ME2: variants seen among roughly 807,000 people sequenced by gnomAD.
ME2 encodes malic enzyme 2.
ME2 carries 60 observed loss-of-function variants against 73.7 expected under a neutral mutation model. The observed-to-expected ratio is 0.81, with a 90% CI of 0.66 to 1.01. ME2 has a LOEUF of 1.01. Among genes scored for constraint, ME2 ranks in the 50% least tolerant of loss-of-function variants. The pLI is 0.00. For missense variants in ME2, 594 were observed against 705.5 expected, an observed-to-expected ratio of 0.84 and a Z score of 1.79; for synonymous variants, 199 against 236.9, an observed-to-expected ratio of 0.84 and a Z score of 1.47.
rs1918196642 is a variant in ME2 at position 50,950,464 on chromosome 18, C to CTGCTTTTTTT, written c.*3282_*3291dup. 2.5e-5 allele frequency: 1 copy of CTGCTTTTTTT among 40,580 alleles called. No homozygotes were observed. Among genetic ancestry groups the CTGCTTTTTTT allele is most frequent in the Non-Finnish European group, 4.7e-5 (1 of 21,142 alleles). 2.5% of individuals were successfully genotyped at this position (40,580 alleles called of 1,614,324 possible). A position where few individuals can be genotyped will look rare whatever the true frequency, so the allele number is the denominator to read the frequency against. On this transcript the variant is annotated 3_prime_UTR_variant, in exon 16 of 16. Coordinates refer to ENST00000321341, the MANE Select transcript of ME2 (RefSeq NM_002396.5). ...AGGGCCTGGGGTGGGGCCTCAGATT[C>CTGCTTTTTTT]TGCTTTTTTTTTTTTTTTTTTTTTT...
chr18:50,884,442 A>T (rs544214845), intron 1 of ME2, among the ~76,000 whole-genome samples: 2 of 152,152 alleles, frequency 1.3e-5, no homozygotes, highest in East Asian at 3.9e-4. Flanking sequence ...CTGCCTCCTG[A>T]GTTCAAGCAA....
intron 2 of ME2, 151 bp from the exon 3 acceptor site, chr18:50,907,912 A>G (rs1332207899): frequency 3.7e-6 from 2 of 538,610 alleles, no homozygotes; most frequent in South Asian, 3.2e-5. Flanking sequence ...CCTGACCAAT[A>G]CTGACATCAG....
intron 1 of ME2, among the ~76,000 whole-genome samples, chr18:50,889,199 C>A (rs943922746): frequency 1.3e-5 from 2 of 152,076 alleles, no homozygotes; most frequent in African/African-American, 4.8e-5. Context: ...TTGATCACAC[C>A]TGAGTGTATG....
In ME2 at chr18:50,895,893, G is replaced by A. The variant is rs1347461975; in HGVS notation, c.73G>A (p.Gly25Ser). ...ACRHLHIKEK[G>S]KPLMLNPRTN... ...TCGACATTTGCACATAAAAGAAAAA[G>A]GCAAGCCACTTATGCTGAACCCAAG... The change falls in exon 2 of 16, where the codon GGC becomes AGC. Residue 25 changes from glycine (G) to serine (S), a missense_variant. By Grantham distance (56) the Gly-to-Ser change is moderately conservative. Coordinates refer to ENST00000321341, the MANE Select transcript of ME2 (RefSeq NM_002396.5). 1.2e-6 allele frequency: 2 copies of A among 1,613,690 alleles called. No individual in the cohort carries two copies. Among genetic ancestry groups the A allele is most frequent in the African/African-American group, 1.3e-5 (1 of 75,008 alleles).
chr18:50,928,425 A>T (rs1403410169), intron 12 of ME2, among the ~76,000 whole-genome samples: 1 of 150,950 alleles, frequency 6.6e-6, no homozygotes, highest in African/African-American at 2.4e-5. Flanking sequence ...TTTTTAGTAG[A>T]TATGGGGTTT....
At chr18:50,918,402 A>C (rs550906778) in intron 7 of ME2, among the ~76,000 whole-genome samples, 189 bp downstream of exon 7, 66 of 147,792 alleles carry the variant, frequency 4.5e-4, no homozygotes, top group Non-Finnish European at 8.4e-4. Flanking sequence ...GGTGGTACCC[A>C]TGGTCTGCCT....
chr18:50,897,867 A>G (rs1174815159), intron 2 of ME2, among the ~76,000 whole-genome samples: 1 of 108,592 alleles, frequency 9.2e-6, no homozygotes, highest in East Asian at 2.4e-4. Context: ...CTCAAAAAAA[A>G]AAAGAAAAAG....
chr18:50,907,909 A>G (rs677978), intron 2 of ME2, among the ~76,000 whole-genome samples, 154 bp from the exon 3 acceptor site: 73,430 of 152,100 alleles, frequency 0.48, 18,566 homozygotes, highest in South Asian at 0.67. Context: ...CACCCTGACC[A>G]ATACTGACAT....
intron 1 of ME2, among the ~76,000 whole-genome samples, chr18:50,891,923 C>T (rs941957416): frequency 2.0e-5 from 3 of 151,714 alleles, no homozygotes; most frequent in African/African-American, 7.3e-5. Flanking sequence ...TCCAGTCTTC[C>T]CAACTTAGCT....
chr18:50,905,080 G>A (rs1323420744), intron 2 of ME2, among the ~76,000 whole-genome samples: 5 of 151,938 alleles, frequency 3.3e-5, no homozygotes, highest in African/African-American at 7.3e-5. Flanking sequence ...TCCGCCTCCC[G>A]GGTTCAAGCA....
intron 2 of ME2, among the ~76,000 whole-genome samples, chr18:50,898,405 C>G (rs1199616685): frequency 6.6e-6 from 1 of 152,142 alleles, no homozygotes; most frequent in South Asian, 2.1e-4. Flanking sequence ...TTTTTATTAT[C>G]CCAAGTAGAA....
At chr18:50,906,890 A>C (rs181532053) in intron 2 of ME2, among the ~76,000 whole-genome samples, 1 of 152,116 alleles carries the variant, frequency 6.6e-6, no homozygotes, top group Non-Finnish European at 1.5e-5. Flanking sequence ...TCTTTCCTGG[A>C]TGTGTCCACA....
At chr18:50,925,650 A>G (rs1020449667) in intron 11 of ME2, 106 bp from the exon 12 acceptor site, 1 of 875,998 alleles carries the variant, frequency 1.1e-6, no homozygotes, top group Non-Finnish European at 1.8e-6. Flanking sequence ...GTAATGAGAT[A>G]TTACCTGTGT....
intron 12 of ME2, 95 bp from the exon 13 acceptor site, chr18:50,932,163 C>G (rs1360371979): frequency 5.3e-6 from 5 of 943,484 alleles, no homozygotes; most frequent in African/African-American, 3.4e-5. Flanking sequence ...ATATATTGGT[C>G]TATTTTACTT....
At chr18:50,915,859 C>A in intron 4 of ME2, 1 of 217,452 alleles carries the variant, frequency 4.6e-6, no homozygotes, top group Non-Finnish European at 8.9e-6. Context: ...TGGTGGCTTG[C>A]TTTAGATTTT....
chr18:50,942,635 T>A lies in ME2; in HGVS notation c.1587+2249T>A, dbSNP rs117406159. 1,337 of 272,588 alleles carry A rather than the reference T, an allele frequency of 4.9e-3. 60 individuals carry two copies. In the East Asian group the frequency reaches 0.071, roughly 14 times the overall value. The allele number at this position is 272,588 out of a possible 1,614,324, so 16.9% of individuals were successfully genotyped here. On this transcript the variant is annotated intron_variant, in intron 15 of 15. Transcript: ENST00000321341. ...GTTTTCTTCATCTGAATATGGCATT[T>A]TTACTTTTTTCTAAATATTTTTAAA...
rs934934643 is a variant in ME2 at position 50,948,193 on chromosome 18, G to T, written c.*1009G>T. 8.5e-5 allele frequency: 13 copies of T among 152,098 alleles called. No individual in the cohort carries two copies. The highest frequency in any genetic ancestry group is 1.9e-4 in the Non-Finnish European group (13 of 68,032). The allele number at this position is 152,098 out of a possible 1,614,324, so 9.4% of individuals were successfully genotyped here. ...TAGTAGTGACAACTCTTTCTCCATT[G>T]AAGGCAGACTTAATTTTTTTAAACC... On this transcript the variant is annotated 3_prime_UTR_variant, in exon 16 of 16. Transcript: ENST00000321341.
intron 2 of ME2, among the ~76,000 whole-genome samples, chr18:50,897,648 G>T (rs933734750): frequency 6.6e-6 from 1 of 151,988 alleles, no homozygotes; most frequent in Non-Finnish European, 1.5e-5. Context: ...ATCACCTGAG[G>T]TTGGGAGTTC....
At chr18:50,891,116 C>T (rs1253214762) in intron 1 of ME2, among the ~76,000 whole-genome samples, 1 of 152,128 alleles carries the variant, frequency 6.6e-6, no homozygotes. Flanking sequence ...CCTTAAAATA[C>T]GTAGAAGAAA....
Sources: allele counts gnomAD v4.1 joint callset (sites outside exome capture counted in the v4.1 genomes callset), GRCh38; gene constraint gnomAD v4.1.1; transcripts MANE v1.5; gene names NCBI Gene and HGNC (gene_info 2026-07-23, HGNC 2026-07-21).